The following ADK variants were observed in gnomAD, a reference collection of about 807,000 sequenced individuals.
ADK encodes the protein adenosine kinase, also known as N6,N6-dimethyladenosine kinase.
Under a neutral mutation model 44.7 loss-of-function variants are expected in ADK, and 24 were observed. That is an observed-to-expected ratio of 0.54 (90% CI 0.39 to 0.76). The LOEUF (loss-of-function observed/expected upper bound fraction) is 0.76. Ranked by LOEUF, ADK falls within the 30% of genes least tolerant of loss-of-function variation. ADK has a pLI of 0.00. For missense variants in ADK, 321 were observed against 425.1 expected (o/e 0.76, Z 2.15); for synonymous variants, 128 against 142.6 (o/e 0.90, Z 0.73).
intron 7 of ADK, among the ~76,000 whole-genome samples, chr10:74,563,044 A>AT (rs1242549759): frequency 6.6e-6 from 1 of 151,928 alleles, no homozygotes; most frequent in East Asian, 1.9e-4. Context: ...TCAGTTTGAG[A>AT]TTTTTTTATT....
At chr10:74,356,019 T>TTTTTTTTTTTTTTTTTG (rs1842134836) in intron 4 of ADK, among the ~76,000 whole-genome samples, 1 of 136,488 alleles carries the variant, frequency 7.3e-6, no homozygotes, top group Non-Finnish European at 1.6e-5. Context: ...TTTTTTTTTT[T>TTTTTTTTTTTTTTTTTG]TTTTTTTTTT....
intron 3 of ADK, among the ~76,000 whole-genome samples, chr10:74,247,731 A>G (rs59371512): frequency 0.019 from 2,869 of 152,298 alleles, 95 homozygotes; most frequent in African/African-American, 0.064. Context: ...GGGAATTGAT[A>G]TATGAAACAG....
chr10:74,701,353 C>T (rs1422970798), intron 10 of ADK, among the ~76,000 whole-genome samples: 3 of 152,116 alleles, frequency 2.0e-5, no homozygotes, highest in African/African-American at 7.2e-5. Context: ...ATGCATACTT[C>T]CCAGCTCTGT....
At chr10:74,609,096 C>G (rs1311692595) in intron 9 of ADK, among the ~76,000 whole-genome samples, 1 of 152,176 alleles carries the variant, frequency 6.6e-6, no homozygotes, top group African/African-American at 2.4e-5. Context: ...CCCCACCAAG[C>G]TTGAGCATCC....
intron 4 of ADK, among the ~76,000 whole-genome samples, chr10:74,327,974 T>G (rs1207290633): frequency 6.6e-6 from 1 of 152,220 alleles, no homozygotes; most frequent in African/African-American, 2.4e-5. Context: ...AGTGGTATGA[T>G]CTCAGCTCAC....
chr10:74,338,451 A>G (rs908803549), intron 4 of ADK, among the ~76,000 whole-genome samples: 1 of 152,216 alleles, frequency 6.6e-6, no homozygotes, highest in African/African-American at 2.4e-5. Flanking sequence ...ATGTATATGT[A>G]AAAACTTGCT....
intron 6 of ADK, among the ~76,000 whole-genome samples, chr10:74,416,672 G>T (rs1431805039): frequency 6.6e-6 from 1 of 151,058 alleles, no homozygotes; most frequent in Non-Finnish European, 1.5e-5. Flanking sequence ...TTTCTGTCCA[G>T]TCTCTCAACT....
At chr10:74,675,993 C>T (rs1677762482) in intron 10 of ADK, among the ~76,000 whole-genome samples, 2 of 150,306 alleles carry the variant, frequency 1.3e-5, no homozygotes, top group Non-Finnish European at 2.9e-5. Flanking sequence ...TTATATACAA[C>T]TCTCAGATAA....
At chr10:74,487,641 A>T (rs747695716) in intron 6 of ADK, among the ~76,000 whole-genome samples, 4 of 151,974 alleles carry the variant, frequency 2.6e-5, no homozygotes, top group Admixed American at 2.0e-4. Context: ...CTTATTCTTA[A>T]ATACCACATT....
At chr10:74,160,771 T>TA (rs1465715695) in intron 1 of ADK, among the ~76,000 whole-genome samples, 1 of 100,298 alleles carries the variant, frequency 1.0e-5, no homozygotes, top group Admixed American at 1.1e-4. Context: ...AGTGTAGGCA[T>TA]TGTTCGTATA....
chr10:74,274,048 A>C (rs1243898807), intron 3 of ADK, among the ~76,000 whole-genome samples: 1 of 152,140 alleles, frequency 6.6e-6, no homozygotes, highest in African/African-American at 2.4e-5. Context: ...CTCAAGATCA[A>C]ACTAAATACA....
At chr10:74,547,144 G>A (rs1476030780) in intron 7 of ADK, among the ~76,000 whole-genome samples, 1 of 151,962 alleles carries the variant, frequency 6.6e-6, no homozygotes, top group Non-Finnish European at 1.5e-5. Flanking sequence ...ACACTTTTGA[G>A]CATTCTTGCT....
At chr10:74,357,403 A>G (rs61863361) in intron 4 of ADK, among the ~76,000 whole-genome samples, 4,850 of 151,014 alleles carry the variant, frequency 0.032, 127 homozygotes, top group Middle Eastern at 0.057. Flanking sequence ...TTCAAACTCC[A>G]TGGGCTCAGG....
intron 4 of ADK, among the ~76,000 whole-genome samples, chr10:74,385,073 T>A (rs867459680): frequency 5.3e-4 from 80 of 152,024 alleles, no homozygotes; most frequent in Admixed American, 1.1e-3. Flanking sequence ...TGGGTAGAGG[T>A]TTCTTTTTGA....
intron 9 of ADK, among the ~76,000 whole-genome samples, chr10:74,622,721 G>C (rs1853039375): frequency 6.6e-6 from 1 of 152,050 alleles, no homozygotes; most frequent in African/African-American, 2.4e-5. Flanking sequence ...TTAGAACCCA[G>C]CCTCGGCCTG....
chr10:74,349,346 T>A (rs1841880848), intron 4 of ADK, among the ~76,000 whole-genome samples: 1 of 152,156 alleles, frequency 6.6e-6, no homozygotes, highest in Non-Finnish European at 1.5e-5. Context: ...ATAAAATCCT[T>A]TTCAGAGAAG....
At chr10:74,650,467 A>G (rs10740441) in intron 9 of ADK, among the ~76,000 whole-genome samples, 27,524 of 152,140 alleles carry the variant, frequency 0.18, 2,757 homozygotes, top group African/African-American at 0.25. Context: ...TACAGCTCAC[A>G]TAGAACATTT....
At chr10:74,707,155 C>T (rs1445635676) in intron 10 of ADK, among the ~76,000 whole-genome samples, 1 of 152,178 alleles carries the variant, frequency 6.6e-6, no homozygotes, top group Non-Finnish European at 1.5e-5. Context: ...CTCACCTCAG[C>T]CTCCTGAGTA....
chr10:74,230,013 C>T (rs1844693287), intron 3 of ADK, among the ~76,000 whole-genome samples: 1 of 149,810 alleles, frequency 6.7e-6, no homozygotes, highest in Non-Finnish European at 1.5e-5. Flanking sequence ...GTGCTCCAGC[C>T]TGGGTGACAG....
Sources: allele counts gnomAD v4.1 joint callset (sites outside exome capture counted in the v4.1 genomes callset), GRCh38; gene constraint gnomAD v4.1.1; transcripts MANE v1.5; gene names NCBI Gene and HGNC (gene_info 2026-07-23, HGNC 2026-07-21).